PHF2: variants seen among roughly 807,000 people sequenced by gnomAD.
PHF2 encodes the protein PHD finger protein 2, also known as lysine-specific demethylase PHF2.
A neutral mutation model predicts 120.5 loss-of-function variants in PHF2; 27 were observed. The observed-to-expected ratio is 0.22, with a 90% CI of 0.17 to 0.31. PHF2 has a LOEUF of 0.31. Among genes scored for constraint, PHF2 ranks in the 10% least tolerant of loss-of-function variants. The pLI is 1.00. For synonymous variants in PHF2, 568 were observed against 592.5 expected (o/e 0.96, Z 0.60); for missense variants, 1,024 against 1,434.8 (o/e 0.71, Z 4.63).
chr9:93,668,222 C>T (rs1826717646), intron 17 of PHF2, among the ~76,000 whole-genome samples: 1 of 152,142 alleles, frequency 6.6e-6, no homozygotes, highest in Non-Finnish European at 1.5e-5. Flanking sequence ...AGGAGGCTTC[C>T]ATAGCGCCTT....
chr9:93,636,618 C>T (rs1053627764), intron 3 of PHF2, 93 bp downstream of exon 3: 3 of 918,924 alleles, frequency 3.3e-6, no homozygotes, highest in South Asian at 3.1e-5. Context: ...TGGGGGCTTC[C>T]TTTGCTATCC....
At chr9:93,633,169 C>G (rs977410957) in intron 2 of PHF2, among the ~76,000 whole-genome samples, 7 of 152,176 alleles carry the variant, frequency 4.6e-5, no homozygotes, top group Admixed American at 2.6e-4. Context: ...GAGGTCTGGT[C>G]CTCACAGTTT....
At chr9:93,586,390 G>C (rs1863044539) in intron 1 of PHF2, among the ~76,000 whole-genome samples, 1 of 152,240 alleles carries the variant, frequency 6.6e-6, no homozygotes, top group Non-Finnish European at 1.5e-5. Context: ...TTTCTCCACT[G>C]TTTGCACCCA....
chr9:93,659,974 G>A (rs1181234266), intron 11 of PHF2, among the ~76,000 whole-genome samples: 1 of 152,190 alleles, frequency 6.6e-6, no homozygotes, highest in South Asian at 2.1e-4. Flanking sequence ...CTTGGGGAGA[G>A]CAAGTGACTC....
chr9:93,619,207 G>T (rs1825783201), intron 1 of PHF2, among the ~76,000 whole-genome samples: 1 of 152,058 alleles, frequency 6.6e-6, no homozygotes, highest in South Asian at 2.1e-4. Context: ...GCCTTTACGA[G>T]ACCCCTGCCC....
chr9:93,649,300 C>G (rs1826316961), intron 5 of PHF2, 88 bp downstream of exon 5: 5 of 1,083,632 alleles, frequency 4.6e-6, no homozygotes, highest in Non-Finnish European at 6.8e-6. Flanking sequence ...AAGCACAGGT[C>G]GAAGGTATCA....
At chr9:93,662,294 G>C (rs1826584849) in intron 12 of PHF2, among the ~76,000 whole-genome samples, 1 of 151,764 alleles carries the variant, frequency 6.6e-6, no homozygotes, top group Admixed American at 6.6e-5. Context: ...TGGATGAATG[G>C]GTGGATGATT....
At chr9:93,672,891 G>C (rs1826833829) in intron 17 of PHF2, 1 of 911,032 alleles carries the variant, frequency 1.1e-6, no homozygotes, top group Non-Finnish European at 1.3e-6. Flanking sequence ...GGTGTGGTTG[G>C]AGGTACAGGT....
At chr9:93,597,983 T>G (rs1248900665) in intron 1 of PHF2, among the ~76,000 whole-genome samples, 1 of 152,120 alleles carries the variant, frequency 6.6e-6, no homozygotes, top group Non-Finnish European at 1.5e-5. Context: ...GGTCCTCAGG[T>G]CAACATGGCA....
At chr9:93,653,070 C>T in intron 5 of PHF2, 109 bp from the exon 6 acceptor site, 1 of 965,444 alleles carries the variant, frequency 1.0e-6, no homozygotes. Context: ...CCGTGGCCCG[C>T]AGGTGGTGAG....
chr9:93,577,858 A>T (rs1266562203), intron 1 of PHF2, among the ~76,000 whole-genome samples: 4 of 152,172 alleles, frequency 2.6e-5, no homozygotes, highest in African/African-American at 4.8e-5. Context: ...AGTGTTGCCC[A>T]AACTGCTCCA....
At chr9:93,614,135 T>C (rs1041249496) in intron 1 of PHF2, among the ~76,000 whole-genome samples, 1 of 152,214 alleles carries the variant, frequency 6.6e-6, no homozygotes, top group African/African-American at 2.4e-5. Context: ...GCCACCTCCC[T>C]CTAGAGTGAG....
intron 12 of PHF2, among the ~76,000 whole-genome samples, chr9:93,661,700 TGGATGGATGGAATAATGAAG>T (rs1826569569): frequency 6.6e-6 from 1 of 151,482 alleles, no homozygotes; most frequent in South Asian, 2.1e-4. Flanking sequence ...GATGAATGGA[TGGATGGATGGAATAATGAAG>T]GGATGGATGG....
chr9:93,675,932 A>G (rs1445538386), intron 20 of PHF2, 143 bp downstream of exon 20: 1 of 625,576 alleles, frequency 1.6e-6, no homozygotes, highest in Non-Finnish European at 2.8e-6. Context: ...GGGACATTTG[A>G]TTAGAGAGTG....
At chr9:93,668,040 G>A (rs1483711970) in intron 17 of PHF2, among the ~76,000 whole-genome samples, 2 of 152,210 alleles carry the variant, frequency 1.3e-5, no homozygotes, top group African/African-American at 2.4e-5. Context: ...TTAGACAGAT[G>A]GGGGGCTTGG....
chr9:93,578,226 C>T (rs956215699), intron 1 of PHF2, among the ~76,000 whole-genome samples: 1 of 152,134 alleles, frequency 6.6e-6, no homozygotes, highest in African/African-American at 2.4e-5. Flanking sequence ...GGGCCTGGGA[C>T]TCTGTGGGGT....
chr9:93,581,628 A>G (rs927642477), intron 1 of PHF2, among the ~76,000 whole-genome samples: 4 of 152,150 alleles, frequency 2.6e-5, no homozygotes, highest in African/African-American at 7.2e-5. Flanking sequence ...GCTTCATCTT[A>G]ATTGTCAGAA....
chr9:93,613,942 G>T (rs757482589), intron 1 of PHF2, among the ~76,000 whole-genome samples: 2 of 152,076 alleles, frequency 1.3e-5, no homozygotes, highest in Non-Finnish European at 2.9e-5. Context: ...CCTGGCTGCC[G>T]GGTGGACCTG....
Position 93,677,093 on chromosome 9 carries a change from G to A in PHF2, c.3202+130G>A. ...GAGGGCTCCTGGGCCTTGGGTGGCA[G>A]GGTGCTGTGGTCCAAGTTGGTTGCA... On this transcript the variant is annotated intron_variant, in intron 21 of 21. Transcript: ENST00000359246. The surrounding 1 kb of genome is among the most constrained non-coding windows in gnomAD (Gnocchi z 4.4). 1.0e-6 allele frequency: 1 copy of A among 1,003,016 alleles called. No homozygotes were observed. Among genetic ancestry groups the A allele is most frequent in the Non-Finnish European group, 1.4e-6 (1 of 702,128 alleles). The allele number at this position is 1,003,016 out of a possible 1,614,324, so 62.1% of individuals were successfully genotyped here. A position where few individuals can be genotyped will look rare whatever the true frequency, so the allele number is the denominator to read the frequency against.
Sources: gnomAD v4.1 joint callset for allele counts (sites outside exome capture counted in the v4.1 genomes callset) on GRCh38, gnomAD v4.1.1 for gene constraint, Gnocchi (gnomAD v3.1) non-coding constraint, MANE v1.5 for transcripts, NCBI Gene and HGNC (gene_info 2026-07-23, HGNC 2026-07-21) for gene names.